The following LARP4 variants were observed in gnomAD, a reference collection of about 807,000 sequenced individuals.
LARP4 encodes la-related protein 4.
In LARP4, 29 loss-of-function variants were observed where a neutral mutation model predicts 92.9. The ratio of observed to expected loss-of-function variants is 0.31; its 90% confidence interval spans 0.23 to 0.43. LARP4 has a LOEUF of 0.43. Among genes scored for constraint, LARP4 ranks in the 20% least tolerant of loss-of-function variants. LARP4 has a pLI of 1.00. For synonymous variants in LARP4, 279 were observed against 284.1 expected (o/e 0.98, Z 0.18); for missense variants, 732 against 860.0 (o/e 0.85, Z 1.86).
In LARP4 at chr12:50,400,926, G is replaced by A. The variant is rs1466173368; in HGVS notation, c.-85G>A. ...GGGTGGAGGGGCAAGGCGAGTGTGT[G>A]TCCTTATCCTAGCAATTGGGGCGCG... is the stretch of plus-strand genomic sequence containing the variant. On this transcript the variant is annotated 5_prime_UTR_variant, in exon 1 of 16. Coordinates refer to ENST00000398473, the MANE Select transcript of LARP4 (RefSeq NM_052879.5). 3 of 1,583,342 alleles carry A rather than the reference G, an allele frequency of 1.9e-6. No individual in the cohort carries two copies. Among genetic ancestry groups the A allele is most frequent in the East Asian group, 2.2e-5 (1 of 44,738 alleles).
intron 13 of LARP4, 61 bp downstream of exon 13, chr12:50,467,181 T>C: frequency 7.3e-7 from 1 of 1,370,818 alleles, no homozygotes. Context: ...ATTTGCAGTG[T>C]TGTTATTTAA....
At chr12:50,446,658 A>G (rs922730341) in intron 8 of LARP4, among the ~76,000 whole-genome samples, 1 of 150,104 alleles carries the variant, frequency 6.7e-6, no homozygotes. Context: ...CGAATTCCTG[A>G]CCTTGTGATC....
chr12:50,460,804 G>T (rs573308157), intron 10 of LARP4, among the ~76,000 whole-genome samples: 2 of 152,196 alleles, frequency 1.3e-5, no homozygotes, highest in South Asian at 4.1e-4. Context: ...TTAGCTGGAC[G>T]TGGTGGCTGG....
intron 1 of LARP4, among the ~76,000 whole-genome samples, chr12:50,417,040 A>C (rs1432336090): frequency 1.3e-5 from 2 of 152,150 alleles, no homozygotes; most frequent in Admixed American, 1.3e-4. Context: ...AAAAACTTTG[A>C]TGAGATACTT....
intron 1 of LARP4, among the ~76,000 whole-genome samples, chr12:50,418,848 A>G (rs936551685): frequency 3.9e-5 from 6 of 152,048 alleles, no homozygotes; most frequent in Admixed American, 1.3e-4. Flanking sequence ...CCTCCCAGGT[A>G]ACTGGAACTA....
In LARP4 at chr12:50,475,501, G is replaced by GT. The variant is rs534027226; in HGVS notation, c.1837-16dup. ...AATTTAAAGAATGTGTACCATAAAT[G>GT]TTTTTTTTTATCATCACTTCAAAGG... On this transcript the variant is annotated intron_variant, in intron 15 of 15. Coordinates refer to ENST00000398473, the MANE Select transcript of LARP4 (RefSeq NM_052879.5). 2,632 of 1,501,596 alleles carry GT rather than the reference G, an allele frequency of 1.8e-3. 3 individuals are homozygous for GT. The highest frequency in any genetic ancestry group is 2.1e-3 in the Non-Finnish European group (2,308 of 1,103,054). The allele number at this position is 1,501,596 out of a possible 1,614,324, so 93.0% of individuals were successfully genotyped here.
In LARP4 at chr12:50,473,874, C is replaced by T. The variant is rs1348917452; in HGVS notation, c.1668-125C>T. The stretch of plus-strand genomic sequence containing the variant: ...GCAGTGAGCCAAGAGCATGCCACTA[C>T]ACTCCAGCCTGGGTGACAGAGTGAG... On this transcript the variant is annotated intron_variant, in intron 14 of 15. Coordinates refer to ENST00000398473, the MANE Select transcript of LARP4 (RefSeq NM_052879.5). 8 of 694,358 alleles carry T rather than the reference C, an allele frequency of 1.2e-5. No homozygotes were observed. In the Admixed American group the frequency reaches 1.2e-4, roughly 10 times the overall value. 43.0% of individuals were successfully genotyped at this position (694,358 alleles called of 1,614,324 possible). A position where few individuals can be genotyped will look rare whatever the true frequency, so the allele number is the denominator to read the frequency against.
intron 12 of LARP4, among the ~76,000 whole-genome samples, chr12:50,464,298 G>A (rs970265931): frequency 6.6e-6 from 1 of 152,226 alleles, no homozygotes; most frequent in Non-Finnish European, 1.5e-5. Flanking sequence ...ATGGCTGAAG[G>A]CAAATGGGGA....
intron 10 of LARP4, among the ~76,000 whole-genome samples, chr12:50,459,794 A>G (rs924489415): frequency 2.1e-5 from 3 of 143,218 alleles, no homozygotes; most frequent in Non-Finnish European, 4.5e-5. Flanking sequence ...ATTGCACTCC[A>G]GCCTGGCGAC....
intron 8 of LARP4, among the ~76,000 whole-genome samples, chr12:50,445,280 A>G (rs1390166066): frequency 6.6e-6 from 1 of 152,160 alleles, no homozygotes; most frequent in Non-Finnish European, 1.5e-5. Flanking sequence ...TTAAGATACC[A>G]TTCTGGACTC....
chr12:50,475,950 G>C lies in LARP4; in HGVS notation c.*86G>C. On this transcript the variant is annotated 3_prime_UTR_variant, in exon 16 of 16. Transcript: ENST00000398473. ...ATTGAACTGTTTTGGAGGGGAGGGG[G>C]TAGCCAGGAAGGAAACAAGAGAAAG... 2 of 1,148,102 alleles carry C rather than the reference G, an allele frequency of 1.7e-6. No individual in the cohort carries two copies. The highest frequency in any genetic ancestry group is 2.5e-6 in the Non-Finnish European group (2 of 810,278). The allele number at this position is 1,148,102 out of a possible 1,614,324, so 71.1% of individuals were successfully genotyped here.
chr12:50,450,806 G>C (rs1593240433), intron 8 of LARP4, among the ~76,000 whole-genome samples: 1 of 152,150 alleles, frequency 6.6e-6, no homozygotes, highest in East Asian at 1.9e-4. Context: ...TGGCTGCCTT[G>C]TCTCCTGTTA....
chr12:50,472,631 C>T (rs1276451201), intron 13 of LARP4, among the ~76,000 whole-genome samples: 2 of 151,762 alleles, frequency 1.3e-5, no homozygotes, highest in East Asian at 1.9e-4. Context: ...ACGTGATCCT[C>T]TCAAGTAGCA....
rs753827756 is a variant in LARP4, at chr12:50,475,534, A to C, written c.1845A>C (p.Arg615=). The change falls in exon 16 of 16, where the codon CGA becomes CGC. Residue 615 remains arginine (R), a synonymous_variant. Transcript: ENST00000398473. ...TTATCATCACTTCAAAGGAACCCCG[A>C]AAGTTAAGTTATGCTGAAGTGTGCC... ...AATAVALQEP[R]KLSYAEVCQK... is the part of the protein sequence containing the mutation. 57 of 1,598,722 alleles carry C rather than the reference A, an allele frequency of 3.6e-5. No homozygotes were observed. The highest frequency in any genetic ancestry group is 1.1e-4 in the Admixed American group (6 of 56,010).
At chr12:50,422,717 G>T (rs1418250170) in intron 1 of LARP4, among the ~76,000 whole-genome samples, 1 of 150,686 alleles carries the variant, frequency 6.6e-6, no homozygotes, top group African/African-American at 2.4e-5. Flanking sequence ...AGAAATATGA[G>T]TTGAATCATT....
chr12:50,400,885 AGCCGGGTCCACT>A lies in LARP4; in HGVS notation c.-118_-107del. 7.7e-7 allele frequency: 1 copy of A among 1,293,776 alleles called. No homozygotes were observed. The highest frequency in any genetic ancestry group is 1.1e-6 in the Non-Finnish European group (1 of 888,898). 80.1% of individuals were successfully genotyped at this position (1,293,776 alleles called of 1,614,324 possible). Reference sequence around the variant, plus strand: ...CCGCAGCGGCTGACGGCAGGGGAGGAGCCGGGTCCACTGCCGGGTGGAGGGGCAAGGCGAGTG... The same window carrying A: ...CCGCAGCGGCTGACGGCAGGGGAGGAGCCGGGTGGAGGGGCAAGGCGAGTG... On this transcript the variant is annotated 5_prime_UTR_variant, in exon 1 of 16. Coordinates refer to ENST00000398473, the MANE Select transcript of LARP4 (RefSeq NM_052879.5).
intron 6 of LARP4, among the ~76,000 whole-genome samples, chr12:50,438,235 A>G (rs913937406): frequency 1.3e-5 from 2 of 152,062 alleles, no homozygotes; most frequent in African/African-American, 4.8e-5. Flanking sequence ...GGGGTGGCTC[A>G]TGCCTGTAAT....
rs1013708924 is a variant in LARP4 at position 50,412,902 on chromosome 12, G to A, written c.18+11874G>A. ...TGGAAGTGATCAAGATTTTGATGGC[G>A]GTCTAAACTGTGGTGAGAAGATGAA... On this transcript the variant is annotated intron_variant, in intron 1 of 15. Transcript: ENST00000398473. 7.2e-5 allele frequency among the ~76,000 whole-genome samples: 11 copies of A among 152,140 alleles called. No individual in the cohort carries two copies. The South Asian group carries it at 1.2e-3, about 17-fold the overall frequency.
In LARP4 at chr12:50,476,784, C is replaced by T. The variant is rs1158674124; in HGVS notation, c.*920C>T. ...CCCACCCACAGAAAAGCAAAATAAC[C>T]AACTACCTACTCAATTGTGTGTTTG... is the stretch of plus-strand genomic sequence containing the variant. On this transcript the variant is annotated 3_prime_UTR_variant, in exon 16 of 16. Transcript: ENST00000398473. The T allele has an allele frequency of 6.6e-6, 1 of 152,504 alleles. No individual in the cohort carries two copies. The highest frequency in any genetic ancestry group is 1.5e-5 in the Non-Finnish European group (1 of 68,016). The allele number at this position is 152,504 out of a possible 1,614,324, so 9.4% of individuals were successfully genotyped here. A position where few individuals can be genotyped will look rare whatever the true frequency, so the allele number is the denominator to read the frequency against.
Sources: allele counts gnomAD v4.1 joint callset (sites outside exome capture counted in the v4.1 genomes callset), GRCh38; gene constraint gnomAD v4.1.1; transcripts MANE v1.5; gene names NCBI Gene and HGNC (gene_info 2026-07-23, HGNC 2026-07-21).